Variants in STX8 observed in about 807,000 individuals in gnomAD.
STX8 encodes the protein syntaxin 8, also known as syntaxin-8.
A neutral mutation model predicts 37.5 loss-of-function variants in STX8; 23 were observed. The observed-to-expected ratio is 0.61, with a 90% CI of 0.44 to 0.87. STX8 has a LOEUF of 0.87. Ranked by LOEUF, STX8 falls within the 40% of genes least tolerant of loss-of-function variation. The pLI is 0.00. For synonymous variants in STX8, 115 were observed against 99.1 expected (o/e 1.16, Z -0.95); for missense variants, 313 against 284.7 (o/e 1.10, Z -0.71).
intron 6 of STX8, among the ~76,000 whole-genome samples, chr17:9,465,804 G>A (rs1258319085): frequency 6.6e-6 from 1 of 152,058 alleles, no homozygotes; most frequent in Admixed American, 6.6e-5. Flanking sequence ...ATCCCATTTA[G>A]TTTAATCCTC....
intron 7 of STX8, among the ~76,000 whole-genome samples, chr17:9,262,994 A>C (rs1214033510): frequency 6.6e-6 from 1 of 152,250 alleles, no homozygotes; most frequent in Admixed American, 6.5e-5. Flanking sequence ...GGAAAAACAT[A>C]AAAGTCATAT....
intron 6 of STX8, among the ~76,000 whole-genome samples, chr17:9,388,474 G>C (rs1912092423): frequency 6.6e-6 from 1 of 151,656 alleles, no homozygotes; most frequent in South Asian, 2.1e-4. Flanking sequence ...TAACAACAGT[G>C]TAATTCCCCC....
At chr17:9,539,663 A>AC (rs112638421) in intron 4 of STX8, among the ~76,000 whole-genome samples, 38,005 of 149,576 alleles carry the variant, frequency 0.25, 5,271 homozygotes, top group African/African-American at 0.38. Flanking sequence ...AACCCAACTG[A>AC]CCCCCCCCAC....
At chr17:9,374,678 T>C (rs768027067) in intron 7 of STX8, among the ~76,000 whole-genome samples, 3 of 152,208 alleles carry the variant, frequency 2.0e-5, no homozygotes, top group Non-Finnish European at 2.9e-5. Flanking sequence ...TACTTGGTTG[T>C]TGATCCATAA....
rs1411193758 is a variant in STX8 at position 9,450,056 on chromosome 17, A to AT, written c.541+41772dup. On this transcript the variant is annotated intron_variant, in intron 6 of 7. Transcript: ENST00000306357. Reference sequence around the variant, plus strand: ...TATATCAAAACTCATTAAATTGTTCATAAAAAAAAGATGAAATTTGCTACA... The same window carrying AT: ...TATATCAAAACTCATTAAATTGTTCATTAAAAAAAAGATGAAATTTGCTACA... Among the ~76,000 whole-genome samples, 12 of 142,728 alleles carry AT rather than the reference A, an allele frequency of 8.4e-5. No individual in the cohort carries two copies. The East Asian group carries it at 1.7e-3, about 20-fold the overall frequency. 93.6% of individuals were successfully genotyped at this position (142,728 alleles called of 152,430 possible). A position where few individuals can be genotyped will look rare whatever the true frequency, so the allele number is the denominator to read the frequency against.
At chr17:9,333,014 C>T (rs778468265) in intron 7 of STX8, among the ~76,000 whole-genome samples, 1 of 152,136 alleles carries the variant, frequency 6.6e-6, no homozygotes, top group Non-Finnish European at 1.5e-5. Context: ...ATTCCCCTAC[C>T]GAGAATGAAG....
intron 7 of STX8, among the ~76,000 whole-genome samples, chr17:9,313,604 T>G (rs1390188799): frequency 6.6e-6 from 1 of 152,220 alleles, no homozygotes; most frequent in African/African-American, 2.4e-5. Context: ...TGTGCACAGC[T>G]AACACCCTGT....
At chr17:9,473,057 T>A (rs1905944937) in intron 6 of STX8, among the ~76,000 whole-genome samples, 1 of 151,918 alleles carries the variant, frequency 6.6e-6, no homozygotes. Flanking sequence ...TTTTTTTTTT[T>A]TTGAGATGGA....
At chr17:9,326,129 CTTT>C (rs58852537) in intron 7 of STX8, among the ~76,000 whole-genome samples, 2 of 145,462 alleles carry the variant, frequency 1.4e-5, no homozygotes, top group Non-Finnish European at 3.1e-5. Context: ...TCCCTGTTTC[CTTT>C]TTTTTTTTTT....
chr17:9,481,423 G>A (rs1485443536), intron 6 of STX8, among the ~76,000 whole-genome samples: 8 of 152,040 alleles, frequency 5.3e-5, no homozygotes, highest in Admixed American at 3.9e-4. Flanking sequence ...AAAGGCAAAC[G>A]TACTTAAATT....
chr17:9,574,934 T>A (rs1302391520), intron 1 of STX8, among the ~76,000 whole-genome samples: 1 of 152,244 alleles, frequency 6.6e-6, no homozygotes, highest in Non-Finnish European at 1.5e-5. Context: ...TCCATTCTTC[T>A]AATATCCAGG....
At chr17:9,444,213 C>A (rs1240605196) in intron 6 of STX8, among the ~76,000 whole-genome samples, 1 of 152,206 alleles carries the variant, frequency 6.6e-6, no homozygotes, top group East Asian at 1.9e-4. Context: ...TGGTCTCAAA[C>A]TCCTGCCTCG....
At chr17:9,451,512 T>G (rs572073015) in intron 6 of STX8, among the ~76,000 whole-genome samples, 54 of 152,304 alleles carry the variant, frequency 3.5e-4, no homozygotes, top group South Asian at 6.2e-4. Flanking sequence ...GTTCGTGGTG[T>G]CTAATGAAGT....
rs531693320 is a variant in STX8 at position 9,462,473 on chromosome 17, G to A, written c.541+29356C>T. On this transcript the variant is annotated intron_variant, in intron 6 of 7. Coordinates refer to ENST00000306357, the MANE Select transcript of STX8 (RefSeq NM_004853.3). ...GCAGTGGCTCACGCTTGTAATCCAA[G>A]TACTTTGGGAGGCCGAGGTGGGAGG... Among the ~76,000 whole-genome samples, 5 of 152,270 alleles carry A rather than the reference G, an allele frequency of 3.3e-5. No homozygotes were observed. The East Asian group carries it at 9.6e-4, about 29-fold the overall frequency.
chr17:9,571,748 C>A (rs1025275192), intron 1 of STX8, among the ~76,000 whole-genome samples: 8 of 151,928 alleles, frequency 5.3e-5, no homozygotes, highest in African/African-American at 1.9e-4. Flanking sequence ...AACCCCATCT[C>A]TACTAAAAAT....
chr17:9,266,882 A>G (rs1907250653), intron 7 of STX8, among the ~76,000 whole-genome samples: 2 of 152,220 alleles, frequency 1.3e-5, no homozygotes, highest in Admixed American at 1.3e-4. Context: ...CCAAGTAACC[A>G]CAACATTTGT....
intron 7 of STX8, among the ~76,000 whole-genome samples, chr17:9,327,049 C>T (rs1241650454): frequency 2.0e-5 from 3 of 151,374 alleles, no homozygotes; most frequent in African/African-American, 4.8e-5. Flanking sequence ...CCCAGCTATT[C>T]GGGAGGCTGA....
intron 6 of STX8, among the ~76,000 whole-genome samples, chr17:9,405,822 T>C (rs1031459230): frequency 6.6e-6 from 1 of 152,198 alleles, no homozygotes; most frequent in African/African-American, 2.4e-5. Context: ...CTTGACATGA[T>C]TCAAACAAAA....
intron 7 of STX8, among the ~76,000 whole-genome samples, chr17:9,286,305 C>T (rs917855622): frequency 1.1e-4 from 16 of 152,204 alleles, no homozygotes; most frequent in South Asian, 2.1e-4. Flanking sequence ...CACACACATA[C>T]GCCGATCTTT....
Sources: allele counts gnomAD v4.1 joint callset (sites outside exome capture counted in the v4.1 genomes callset), GRCh38; gene constraint gnomAD v4.1.1; transcripts MANE v1.5; gene names NCBI Gene and HGNC (gene_info 2026-07-23, HGNC 2026-07-21).